Variants in NRXN1 observed in about 807,000 individuals in gnomAD.
The protein encoded by NRXN1 is neurexin-1.
In NRXN1, 39 loss-of-function variants were observed where a neutral mutation model predicts 150.9. The ratio of observed to expected loss-of-function variants is 0.26; its 90% CI spans 0.20 to 0.34. The LOEUF is 0.34. Among genes scored for constraint, NRXN1 ranks in the 10% least tolerant of loss-of-function variants. NRXN1 has a pLI of 1.00. For synonymous variants in NRXN1, 924 were observed against 757.0 expected (o/e 1.22, Z -3.62); for missense variants, 1,815 against 1,949.9 (o/e 0.93, Z 1.30).
intron 18 of NRXN1, among the ~76,000 whole-genome samples, chr2:50,182,819 G>A (rs1470556047): frequency 6.6e-6 from 1 of 152,024 alleles, no homozygotes; most frequent in Non-Finnish European, 1.5e-5. Flanking sequence ...TTATTGGGAA[G>A]CTTTGAGAGT....
At chr2:50,961,892 A>G (rs1693248888) in intron 2 of NRXN1, among the ~76,000 whole-genome samples, 1 of 151,626 alleles carries the variant, frequency 6.6e-6, no homozygotes, top group African/African-American at 2.4e-5. Context: ...ACCATCTGTT[A>G]TCTTAGAAAA....
chr2:49,989,742 T>A (rs554266447), intron 21 of NRXN1, among the ~76,000 whole-genome samples: 1 of 152,256 alleles, frequency 6.6e-6, no homozygotes, highest in East Asian at 1.9e-4. Flanking sequence ...ATCTTATCTA[T>A]AGCAAGAGCA....
At chr2:50,145,081 G>A (rs930131557) in intron 18 of NRXN1, among the ~76,000 whole-genome samples, 1 of 151,510 alleles carries the variant, frequency 6.6e-6, no homozygotes, top group African/African-American at 2.4e-5. Flanking sequence ...CAAATATAGA[G>A]AAGAAAATAG....
At chr2:50,640,648 C>T (rs1384911958) in intron 5 of NRXN1, among the ~76,000 whole-genome samples, 1 of 152,046 alleles carries the variant, frequency 6.6e-6, no homozygotes, top group Non-Finnish European at 1.5e-5. Flanking sequence ...ATAACTATGC[C>T]AATATTACAT....
intron 18 of NRXN1, among the ~76,000 whole-genome samples, chr2:50,173,163 A>G (rs998285811): frequency 1.3e-5 from 2 of 152,202 alleles, no homozygotes; most frequent in African/African-American, 4.8e-5. Context: ...TAAATGTGCT[A>G]TCTGGAGCAT....
At chr2:50,622,283 T>A (rs7590315) in intron 6 of NRXN1, among the ~76,000 whole-genome samples, 27 of 152,030 alleles carry the variant, frequency 1.8e-4, no homozygotes, top group Admixed American at 1.2e-3. Context: ...CTAGCTCAGA[T>A]AGTATAAACC....
intron 17 of NRXN1, among the ~76,000 whole-genome samples, chr2:50,414,046 T>TG (rs1382936837): frequency 3.7e-5 from 3 of 80,626 alleles, no homozygotes; most frequent in East Asian, 8.6e-4. Context: ...GGTAGTGGGG[T>TG]GGGGGGTGGG....
chr2:50,009,628 G>C (rs897196166), intron 21 of NRXN1, among the ~76,000 whole-genome samples: 2 of 152,048 alleles, frequency 1.3e-5, no homozygotes, highest in African/African-American at 4.8e-5. Context: ...ACTAAGGTTT[G>C]TCATTACTTT....
chr2:50,311,325 C>G (rs775074902), intron 17 of NRXN1, among the ~76,000 whole-genome samples: 1 of 152,070 alleles, frequency 6.6e-6, no homozygotes, highest in Non-Finnish European at 1.5e-5. Context: ...TAATGAATTT[C>G]CAACAGGTAA....
chr2:50,030,844 T>C (rs1340636671), intron 21 of NRXN1, among the ~76,000 whole-genome samples: 1 of 152,120 alleles, frequency 6.6e-6, no homozygotes, highest in African/African-American at 2.4e-5. Flanking sequence ...CTTTTTAATA[T>C]ATATTATTTC....
At chr2:50,147,301 G>A (rs532296415) in intron 18 of NRXN1, among the ~76,000 whole-genome samples, 6 of 151,748 alleles carry the variant, frequency 4.0e-5, no homozygotes, top group Non-Finnish European at 7.4e-5. Flanking sequence ...ACCTAGGAGA[G>A]AAGGCATATG....
At chr2:50,971,241 G>A (rs1012731665) in intron 2 of NRXN1, among the ~76,000 whole-genome samples, 3 of 152,204 alleles carry the variant, frequency 2.0e-5, no homozygotes, top group African/African-American at 4.8e-5. Context: ...TAAACATAAT[G>A]CTTGTTAGTG....
At chr2:49,927,893 A>G (rs1224410352) in intron 22 of NRXN1, among the ~76,000 whole-genome samples, 2 of 152,154 alleles carry the variant, frequency 1.3e-5, no homozygotes, top group African/African-American at 4.8e-5. Flanking sequence ...TTCCAAAGTT[A>G]ACTTTCAAGG....
chr2:50,779,083 G>A lies in NRXN1; in HGVS notation c.832+142786C>T, dbSNP rs559083953. On this transcript the variant is annotated intron_variant, in intron 5 of 22. Coordinates refer to ENST00000401669, the MANE Select transcript of NRXN1 (RefSeq NM_001330078.2). ...ATACATGTGCAGAACATGCAGGTGT[G>A]TTACCTAGGCATACTTGTGCCACAG... Among the ~76,000 whole-genome samples the A allele has an allele frequency of 7.2e-5, 11 of 152,064 alleles. No individual in the cohort carries two copies. The South Asian group carries it at 1.9e-3, about 26-fold the overall frequency.
chr2:50,871,994 T>A (rs976115102), intron 5 of NRXN1, among the ~76,000 whole-genome samples: 12 of 151,922 alleles, frequency 7.9e-5, no homozygotes, highest in African/African-American at 2.7e-4. Context: ...ATTTTCCCTG[T>A]AGAGAATTTG....
chr2:50,551,074 A>AGAAGAAGAAGAAGAAGAGGAG (rs1553775804), intron 9 of NRXN1, among the ~76,000 whole-genome samples: 34 of 110,778 alleles, frequency 3.1e-4, no homozygotes, highest in African/African-American at 1.1e-3. Flanking sequence ...AAGAAGAAGA[A>AGAAGAAGAAGAAGAAGAGGAG]GAGGAGGAGG....
chr2:50,882,460 A>C (rs1276873570), intron 5 of NRXN1, among the ~76,000 whole-genome samples: 1 of 151,884 alleles, frequency 6.6e-6, no homozygotes, highest in African/African-American at 2.4e-5. Flanking sequence ...TTTGTGTAAC[A>C]GCCCAGGTGA....
In NRXN1 at chr2:50,343,509, T is replaced by C. The variant is rs572702667; in HGVS notation, c.3365-106539A>G. On this transcript the variant is annotated intron_variant, in intron 17 of 22. Transcript: ENST00000401669. ...TCTATGGAGGTAGTTTCACCATTTATGTTTTTGAGCCAATGCAAAATATAA... is the reference window on the plus strand; with the variant it reads ...TCTATGGAGGTAGTTTCACCATTTACGTTTTTGAGCCAATGCAAAATATAA... Among the ~76,000 whole-genome samples, 3 of 152,310 alleles carry C rather than the reference T, an allele frequency of 2.0e-5. No homozygotes were observed. In the South Asian group the frequency reaches 6.2e-4, roughly 32 times the overall value.
chr2:50,415,369 A>G (rs1360312700), intron 17 of NRXN1, among the ~76,000 whole-genome samples: 1 of 152,096 alleles, frequency 6.6e-6, no homozygotes, highest in African/African-American at 2.4e-5. Flanking sequence ...TATGGCTCAA[A>G]TATAATTTAA....
Sources: gnomAD v4.1 joint callset for allele counts (sites outside exome capture counted in the v4.1 genomes callset) on GRCh38, gnomAD v4.1.1 for gene constraint, MANE v1.5 for transcripts, NCBI Gene and HGNC (gene_info 2026-07-23, HGNC 2026-07-21) for gene names.